SEMA6D: variants seen among roughly 807,000 people sequenced by gnomAD.
SEMA6D encodes the protein semaphorin-6D.
In SEMA6D, 35 loss-of-function variants were observed where a neutral mutation model predicts 106.6. The ratio of observed to expected loss-of-function variants is 0.33; its 90% CI spans 0.25 to 0.44. SEMA6D has a LOEUF of 0.44. Ranked by LOEUF, SEMA6D falls within the 20% of genes least tolerant of loss-of-function variation. SEMA6D has a pLI of 1.00. For synonymous variants in SEMA6D, 499 were observed against 487.7 expected (o/e 1.02, Z -0.31); for missense variants, 1,185 against 1,345.9 (o/e 0.88, Z 1.87).
chr15:47,429,150 C>G (rs2041443422), intron 2 of SEMA6D, among the ~76,000 whole-genome samples: 1 of 151,912 alleles, frequency 6.6e-6, no homozygotes, highest in Non-Finnish European at 1.5e-5. Flanking sequence ...TGCCCAACAC[C>G]CAGATGCAGG....
intron 9 of SEMA6D, 52 bp from the exon 10 acceptor site, chr15:47,763,798 C>T: frequency 2.7e-6 from 4 of 1,487,752 alleles, no homozygotes; most frequent in Non-Finnish European, 3.7e-6. Context: ...ATTTTGTTTC[C>T]ATTCCTTTCC....
chr15:47,357,258 T>G (rs2010205), intron 1 of SEMA6D, among the ~76,000 whole-genome samples: 4 of 151,784 alleles, frequency 2.6e-5, no homozygotes, highest in African/African-American at 9.7e-5. Context: ...GGCATGAACC[T>G]GGGGGGCGGA....
rs759266371 is a variant in SEMA6D, at chr15:47,770,682, T to C, written c.2119T>C (p.Cys707Arg). The C allele has an allele frequency of 2.5e-6, 4 of 1,614,016 alleles. No homozygotes were observed. The highest frequency in any genetic ancestry group is 2.2e-5 in the South Asian group (2 of 91,076). ...IHKDAESAQS[C>R]TDSSGSFAKL... ...TAAAGATGCAGAGTCCGCCCAGTCA[T>C]GCACAGACTCCAGTGGAAGTTTTGC... is the stretch of plus-strand genomic sequence containing the variant. Residue 707 changes from cysteine to arginine, a missense_variant, in exon 19 of 19, where the codon TGC (cysteine) becomes CGC (arginine). Around this residue, in one of 3 missense-constraint regions of SEMA6D, gnomAD observed 750 missense variants for 783.5 expected, o/e 0.96. Transcript: ENST00000536845.
chr15:47,589,396 C>T (rs2076399472), intron 3 of SEMA6D, among the ~76,000 whole-genome samples: 1 of 152,238 alleles, frequency 6.6e-6, no homozygotes, highest in African/African-American at 2.4e-5. Flanking sequence ...GGCAGGCCTT[C>T]CTGTTCCTGC....
intron 1 of SEMA6D, among the ~76,000 whole-genome samples, chr15:47,410,815 C>T (rs971443515): frequency 6.6e-6 from 1 of 152,066 alleles, no homozygotes; most frequent in Non-Finnish European, 1.5e-5. Flanking sequence ...CAATACTTGC[C>T]CAAATATTTT....
At chr15:47,493,162 A>G (rs1255258801) in intron 3 of SEMA6D, among the ~76,000 whole-genome samples, 1 of 152,136 alleles carries the variant, frequency 6.6e-6, no homozygotes, top group Non-Finnish European at 1.5e-5. Context: ...GGAGGTTCTC[A>G]TCCCTCATGC....
At chr15:47,677,219 G>A (rs1950772257) in intron 4 of SEMA6D, among the ~76,000 whole-genome samples, 1 of 152,266 alleles carries the variant, frequency 6.6e-6, no homozygotes, top group South Asian at 2.1e-4. Flanking sequence ...GTTGAGCTGA[G>A]ATGGATGTCC....
At chr15:47,370,260 A>C (rs754252462) in intron 1 of SEMA6D, among the ~76,000 whole-genome samples, 2 of 152,196 alleles carry the variant, frequency 1.3e-5, no homozygotes, top group Non-Finnish European at 2.9e-5. Flanking sequence ...CACACCTGTA[A>C]TTTCAGCACT....
intron 1 of SEMA6D, among the ~76,000 whole-genome samples, chr15:47,390,615 T>A (rs1176843714): frequency 6.6e-6 from 1 of 152,176 alleles, no homozygotes; most frequent in Non-Finnish European, 1.5e-5. Context: ...ACAAGCTCTT[T>A]CATACCTCAA....
In SEMA6D at chr15:47,702,403, T is replaced by C. The variant is rs149217789; in HGVS notation, c.-54-57342T>C. Among the ~76,000 whole-genome samples the C allele has an allele frequency of 1.4e-4, 22 of 152,340 alleles. 1 individual carries two copies. The highest frequency in any genetic ancestry group is 4.3e-4 in the African/African-American group (18 of 41,588). On this transcript the variant is annotated intron_variant, in intron 4 of 19. Transcript: ENST00000558014. ...AAAGGACGTGAAGCAACAGGAACTT[T>C]CATGCATTGCTGATGGGAATGCAAA...
At chr15:47,529,410 T>G (rs186217967) in intron 3 of SEMA6D, among the ~76,000 whole-genome samples, 12 of 152,270 alleles carry the variant, frequency 7.9e-5, no homozygotes, top group Admixed American at 7.2e-4. Flanking sequence ...CAAACCCGTG[T>G]TGTTGAAGGG....
intron 1 of SEMA6D, among the ~76,000 whole-genome samples, chr15:47,335,761 G>A (rs1200557798): frequency 1.3e-5 from 2 of 152,078 alleles, no homozygotes; most frequent in African/African-American, 2.4e-5. Context: ...GAGAAAAAGG[G>A]GAGAGTCATA....
chr15:47,508,427 A>G (rs1481525126), intron 3 of SEMA6D, among the ~76,000 whole-genome samples: 1 of 152,082 alleles, frequency 6.6e-6, no homozygotes, highest in African/African-American at 2.4e-5. Flanking sequence ...CCAGAGCCGC[A>G]CTCCAAGAGG....
chr15:47,721,262 C>G (rs911928967), intron 1 of SEMA6D, among the ~76,000 whole-genome samples: 3 of 152,200 alleles, frequency 2.0e-5, no homozygotes, highest in African/African-American at 7.2e-5. Context: ...GCAAGATTAT[C>G]CATACCAGAT....
chr15:47,432,612 C>CCTATATGCATATGTAT (rs1555438690), intron 2 of SEMA6D, among the ~76,000 whole-genome samples: 7 of 151,098 alleles, frequency 4.6e-5, no homozygotes, highest in Non-Finnish European at 1.0e-4. Flanking sequence ...TACATATACA[C>CCTATATGCATATGTAT]ACACAATTAG....
intron 4 of SEMA6D, among the ~76,000 whole-genome samples, chr15:47,704,718 C>CA (rs34821323): frequency 0.19 from 28,596 of 149,436 alleles, 3,064 homozygotes; most frequent in Non-Finnish European, 0.24. Context: ...GACCCTGTCT[C>CA]AAAAAAAAAA....
intron 1 of SEMA6D, among the ~76,000 whole-genome samples, chr15:47,316,770 T>C (rs1184890607): frequency 1.3e-5 from 2 of 152,164 alleles, no homozygotes; most frequent in Non-Finnish European, 2.9e-5. Context: ...TTAGGATAAA[T>C]CTCACTTGGT....
chr15:47,647,390 G>T (rs2077600272), intron 4 of SEMA6D, among the ~76,000 whole-genome samples: 1 of 152,192 alleles, frequency 6.6e-6, no homozygotes, highest in Non-Finnish European at 1.5e-5. Context: ...GATCGGAATT[G>T]TATTCATGGA....
intron 1 of SEMA6D, among the ~76,000 whole-genome samples, chr15:47,288,436 G>T (rs1005898202): frequency 6.6e-6 from 1 of 152,138 alleles, no homozygotes; most frequent in Admixed American, 6.5e-5. Context: ...TCTCTTTAAG[G>T]TAGATATTGG....
Sources: allele counts gnomAD v4.1 joint callset (sites outside exome capture counted in the v4.1 genomes callset), GRCh38; gene constraint gnomAD v4.1.1; regional missense constraint gnomAD v4.1.1; transcripts MANE v1.5; gene names NCBI Gene and HGNC (gene_info 2026-07-23, HGNC 2026-07-21).